The following DGKB variants were observed in gnomAD, a reference collection of about 807,000 sequenced individuals.
DGKB encodes the protein diacylglycerol kinase beta.
Under a neutral mutation model 114.3 loss-of-function variants are expected in DGKB, and 67 were observed. That is an observed-to-expected ratio of 0.59 (90% confidence interval 0.48 to 0.72). DGKB has a LOEUF of 0.72. Ranked by LOEUF, DGKB falls within the 30% of genes least tolerant of loss-of-function variation. The pLI, the probability that DGKB is intolerant of heterozygous loss-of-function variation, is 0.00. For missense variants in DGKB, 907 were observed against 975.2 expected (o/e 0.93, Z 0.93); for synonymous variants, 398 against 323.1 (o/e 1.23, Z -2.49).
intron 6 of DGKB, among the ~76,000 whole-genome samples, chr7:14,711,302 G>A (rs1025607750): frequency 7.2e-5 from 11 of 152,048 alleles, no homozygotes; most frequent in Middle Eastern, 3.4e-3. Context: ...TACATATATT[G>A]AGTACCAAGT....
chr7:14,786,024 A>G lies in DGKB; in HGVS notation c.71-28293T>C, dbSNP rs182520013. On this transcript the variant is annotated intron_variant, in intron 2 of 25. Coordinates refer to ENST00000402815, the MANE Select transcript of DGKB (RefSeq NM_001350709.2). ...TCCTTGGCAGAAAATCCTTTTTGAA[A>G]GTCATCCATCTTTCCTTTTTTTCGT... 1.2e-3 allele frequency among the ~76,000 whole-genome samples: 185 copies of G among 152,214 alleles called. 1 individual carries two copies. The highest frequency in any genetic ancestry group is 4.3e-3 in the African/African-American group (180 of 41,542).
chr7:14,854,065 G>C (rs1437455617), intron 1 of DGKB, among the ~76,000 whole-genome samples: 2 of 151,900 alleles, frequency 1.3e-5, no homozygotes, highest in East Asian at 1.9e-4. Flanking sequence ...TCAACATACT[G>C]TTTCCAAAAG....
At chr7:14,270,549 T>G (rs891954742) in intron 23 of DGKB, among the ~76,000 whole-genome samples, 1 of 152,198 alleles carries the variant, frequency 6.6e-6, no homozygotes, top group Non-Finnish European at 1.5e-5. Context: ...TCCTTTCAAA[T>G]GTCAGTTATT....
chr7:14,626,592 T>C (rs556907879), intron 14 of DGKB, among the ~76,000 whole-genome samples: 1 of 152,326 alleles, frequency 6.6e-6, no homozygotes, highest in African/African-American at 2.4e-5. Context: ...ACCAACTTAC[T>C]AACAAACTGC....
At chr7:14,380,912 C>T (rs1819349522) in intron 21 of DGKB, among the ~76,000 whole-genome samples, 1 of 152,210 alleles carries the variant, frequency 6.6e-6, no homozygotes, top group Non-Finnish European at 1.5e-5. Context: ...GCAAAAGGAA[C>T]TATGCAGATG....
intron 17 of DGKB, among the ~76,000 whole-genome samples, chr7:14,586,758 G>A (rs891118282): frequency 2.6e-5 from 4 of 151,528 alleles, no homozygotes; most frequent in African/African-American, 9.7e-5. Flanking sequence ...TACTCTACCT[G>A]TGCACTATAA....
At chr7:14,422,460 C>A (rs1826863492) in intron 21 of DGKB, among the ~76,000 whole-genome samples, 2 of 151,978 alleles carry the variant, frequency 1.3e-5, no homozygotes, top group Admixed American at 1.3e-4. Context: ...GACTTAAACC[C>A]ATGTACATTT....
chr7:14,216,680 T>G (rs1430852468), intron 23 of DGKB, among the ~76,000 whole-genome samples: 1 of 133,364 alleles, frequency 7.5e-6, no homozygotes, highest in African/African-American at 2.9e-5. Context: ...GAACCGAGAT[T>G]GAAACATTAC....
chr7:14,695,341 T>C (rs1253266145), intron 8 of DGKB, among the ~76,000 whole-genome samples: 1 of 152,060 alleles, frequency 6.6e-6, no homozygotes, highest in African/African-American at 2.4e-5. Context: ...AGCCATCCTC[T>C]GACCGTGTCT....
chr7:14,629,655 A>G (rs1471105534), intron 14 of DGKB, among the ~76,000 whole-genome samples: 1 of 152,084 alleles, frequency 6.6e-6, no homozygotes, highest in Non-Finnish European at 1.5e-5. Context: ...AAGGTAAAGC[A>G]AAAATGTTAC....
chr7:14,562,605 A>C (rs1236043037), intron 20 of DGKB, among the ~76,000 whole-genome samples: 1 of 152,172 alleles, frequency 6.6e-6, no homozygotes, highest in Non-Finnish European at 1.5e-5. Context: ...CATGGAGTAA[A>C]AGGAGATCAT....
intron 1 of DGKB, among the ~76,000 whole-genome samples, chr7:14,935,308 G>C (rs1051611965): frequency 3.3e-5 from 5 of 152,138 alleles, no homozygotes; most frequent in Non-Finnish European, 5.9e-5. Flanking sequence ...TGAACTCTTT[G>C]AGTTTTGATT....
intron 20 of DGKB, among the ~76,000 whole-genome samples, chr7:14,565,362 GAC>G (rs933688724): frequency 2.6e-5 from 4 of 152,142 alleles, no homozygotes; most frequent in South Asian, 2.1e-4. Flanking sequence ...CCACCCAGTT[GAC>G]ACACAGACTT....
chr7:14,964,486 C>A (rs1412484191), intron 1 of DGKB, among the ~76,000 whole-genome samples: 1 of 152,076 alleles, frequency 6.6e-6, no homozygotes, highest in Admixed American at 6.6e-5. Flanking sequence ...GGTGACAGAG[C>A]TAGACGTTGT....
intron 18 of DGKB, among the ~76,000 whole-genome samples, chr7:14,582,435 A>G (rs1337709075): frequency 6.6e-6 from 1 of 152,200 alleles, no homozygotes; most frequent in East Asian, 1.9e-4. Flanking sequence ...GCAATATAGA[A>G]TAAGGCTTAA....
rs372055858 is a variant in DGKB at position 14,744,739 on chromosome 7, A to T, written c.169-8545T>A. Among the ~76,000 whole-genome samples the T allele has an allele frequency of 3.3e-5, 5 of 152,214 alleles. No homozygotes were observed. The East Asian group carries it at 7.7e-4, about 23-fold the overall frequency. Reference sequence around the variant, plus strand: ...TGCAAACAACTCAGTCCTATCATGAATTGTTTTTAACAAAAATGAGGACTG... The same window carrying T: ...TGCAAACAACTCAGTCCTATCATGATTTGTTTTTAACAAAAATGAGGACTG... On this transcript the variant is annotated intron_variant, in intron 4 of 25. Transcript: ENST00000402815.
At chr7:14,693,180 C>T (rs1823188962) in intron 9 of DGKB, among the ~76,000 whole-genome samples, 1 of 152,070 alleles carries the variant, frequency 6.6e-6, no homozygotes, top group Non-Finnish European at 1.5e-5. Flanking sequence ...CACCTTAAAA[C>T]TCTAAATATT....
chr7:14,750,298 C>A, intron 4 of DGKB: 1 of 433,992 alleles, frequency 2.3e-6, no homozygotes, highest in Admixed American at 2.6e-5. Context: ...GATGCATTTG[C>A]TGCTGTGTCA....
chr7:14,241,615 A>T lies in DGKB; in HGVS notation c.2123-63464T>A, dbSNP rs913408942. 3.3e-5 allele frequency among the ~76,000 whole-genome samples: 5 copies of T among 152,170 alleles called. No homozygotes were observed. The East Asian group carries it at 7.7e-4, about 23-fold the overall frequency. On this transcript the variant is annotated intron_variant, in intron 23 of 25. Coordinates refer to ENST00000402815, the MANE Select transcript of DGKB (RefSeq NM_001350709.2). ...AGTTGAATTGGAAATTTTTTTTGTA[A>T]CTGGTTTGATTTTACCTGAAAGTAG...
Sources: allele counts gnomAD v4.1 joint callset (sites outside exome capture counted in the v4.1 genomes callset), GRCh38; gene constraint gnomAD v4.1.1; transcripts MANE v1.5; gene names NCBI Gene and HGNC (gene_info 2026-07-23, HGNC 2026-07-21).